The following IFT80 variants were observed in gnomAD, a reference collection of about 807,000 sequenced individuals.
IFT80 encodes intraflagellar transport 80.
IFT80 carries 79 observed loss-of-function variants against 107.9 expected under a neutral mutation model. That is an observed-to-expected ratio of 0.73 (90% CI 0.61 to 0.88). IFT80 has a LOEUF of 0.88. Ranked by LOEUF, IFT80 falls within the 40% of genes least tolerant of loss-of-function variation. The probability of loss-of-function intolerance (pLI) is 0.00; values close to 1 mark genes in which losing one functional copy is unlikely to be tolerated. For synonymous variants in IFT80, 299 were observed against 300.9 expected, an observed-to-expected ratio of 0.99 and a Z score of 0.07; for missense variants, 797 against 914.2, an observed-to-expected ratio of 0.87 and a Z score of 1.65.
intron 8 of IFT80, among the ~76,000 whole-genome samples, chr3:160,347,489 G>C (rs1052617926): frequency 6.6e-6 from 1 of 152,044 alleles, no homozygotes; most frequent in African/African-American, 2.4e-5. Flanking sequence ...AAGCTTTATT[G>C]CATCTGTATA....
intron 8 of IFT80, among the ~76,000 whole-genome samples, chr3:160,345,734 G>A (rs1720245896): frequency 1.3e-5 from 2 of 151,054 alleles, no homozygotes; most frequent in African/African-American, 4.9e-5. Context: ...GGTTATCAGA[G>A]GCTGGGAAGG....
At chr3:160,285,383 A>G (rs1715011730) in intron 13 of IFT80, among the ~76,000 whole-genome samples, 1 of 152,196 alleles carries the variant, frequency 6.6e-6, no homozygotes, top group African/African-American at 2.4e-5. Context: ...GGTCTTTTGT[A>G]CTTTGTATAG....
intron 1 of IFT80, among the ~76,000 whole-genome samples, chr3:160,396,470 A>G (rs1489407867): frequency 6.6e-6 from 1 of 152,182 alleles, no homozygotes; most frequent in African/African-American, 2.4e-5. Flanking sequence ...CAAACAAAAC[A>G]CATATTGTTA....
At chr3:160,320,906 G>T (rs923965844) in intron 8 of IFT80, among the ~76,000 whole-genome samples, 13 of 151,860 alleles carry the variant, frequency 8.6e-5, no homozygotes, top group South Asian at 4.1e-4. Context: ...TACAAAACAA[G>T]ACTTTAAAAT....
intron 10 of IFT80, among the ~76,000 whole-genome samples, chr3:160,307,179 A>G (rs1161363081): frequency 6.6e-6 from 1 of 152,078 alleles, no homozygotes; most frequent in African/African-American, 2.4e-5. Context: ...ACAGGGTCTC[A>G]CTCTGTTGTT....
At chr3:160,305,766 TG>T (rs768327876) in intron 10 of IFT80, among the ~76,000 whole-genome samples, 158 of 152,184 alleles carry the variant, frequency 1.0e-3, no homozygotes, top group Non-Finnish European at 1.6e-3. Flanking sequence ...CTTGCATGTC[TG>T]TTTTTAAAAT....
chr3:160,333,748 C>T (rs971624318), intron 8 of IFT80, among the ~76,000 whole-genome samples: 1 of 151,978 alleles, frequency 6.6e-6, no homozygotes, highest in African/African-American at 2.4e-5. Flanking sequence ...CCTGAAGGAC[C>T]TATGTGAGGC....
chr3:160,269,503 T>C (rs994682448), intron 18 of IFT80, among the ~76,000 whole-genome samples: 1 of 152,236 alleles, frequency 6.6e-6, no homozygotes, highest in African/African-American at 2.4e-5. Flanking sequence ...TCAATATTTA[T>C]GCAAGTTATT....
At chr3:160,286,391 G>T (rs953205333) in intron 12 of IFT80, among the ~76,000 whole-genome samples, 9 of 152,216 alleles carry the variant, frequency 5.9e-5, no homozygotes, top group African/African-American at 2.2e-4. Flanking sequence ...GGGAAATGGA[G>T]ATGGGGAAGT....
At chr3:160,351,096 A>G (rs1422084318) in intron 8 of IFT80, among the ~76,000 whole-genome samples, 1 of 151,990 alleles carries the variant, frequency 6.6e-6, no homozygotes, top group Non-Finnish European at 1.5e-5. Flanking sequence ...ATCACCACTT[A>G]TGACTAAATC....
chr3:160,326,647 A>G (rs1718696052), intron 8 of IFT80, among the ~76,000 whole-genome samples: 1 of 152,190 alleles, frequency 6.6e-6, no homozygotes, highest in Non-Finnish European at 1.5e-5. Flanking sequence ...AAAACTCTCA[A>G]TAAACTAGGT....
intron 12 of IFT80, among the ~76,000 whole-genome samples, chr3:160,298,823 A>G (rs1044260250): frequency 1.3e-5 from 2 of 152,174 alleles, no homozygotes; most frequent in East Asian, 3.8e-4. Flanking sequence ...TGTACTGAAT[A>G]TAATGGACAA....
Position 160,277,473 on chromosome 3 carries a change from A to G in IFT80, c.1932T>C (p.Asp644=). The part of the protein sequence containing the change: ...EIAYAAIGEI[D]KVQYINSIKN... The stretch of plus-strand genomic sequence containing the variant: ...TTATAGAATTGATGTACTGAACCTT[A>G]TCAATCTAAAAAAGAAAAGAAAAAT... The change falls in exon 18 of 20, where the codon GAT becomes GAC. Residue 644 remains aspartate, a synonymous_variant. Transcript: ENST00000326448. The G allele has an allele frequency of 5.0e-6, 8 of 1,604,226 alleles. No homozygotes were observed. The highest frequency in any genetic ancestry group is 6.8e-6 in the Non-Finnish European group (8 of 1,171,686).
intron 5 of IFT80, among the ~76,000 whole-genome samples, chr3:160,370,885 A>C (rs114995678): frequency 6.6e-6 from 1 of 152,296 alleles, no homozygotes; most frequent in Non-Finnish European, 1.5e-5. Context: ...TCAAGCCTTA[A>C]TCGCTGCCTT....
At chr3:160,383,274 A>G (rs1712670103) in intron 2 of IFT80, among the ~76,000 whole-genome samples, 1 of 152,260 alleles carries the variant, frequency 6.6e-6, no homozygotes. Context: ...AAAGGCAGAC[A>G]GTAGACATGG....
chr3:160,268,145 A>G (rs1409949372), intron 19 of IFT80, among the ~76,000 whole-genome samples: 5 of 152,196 alleles, frequency 3.3e-5, no homozygotes, highest in Non-Finnish European at 7.3e-5. Context: ...TATATTATTT[A>G]TCTAAAAATA....
chr3:160,272,021 T>A (rs1443089515), intron 18 of IFT80, among the ~76,000 whole-genome samples: 3 of 151,958 alleles, frequency 2.0e-5, no homozygotes, highest in Admixed American at 2.0e-4. Context: ...CAGAGGACTA[T>A]GTTAAAGTAC....
intron 6 of IFT80, among the ~76,000 whole-genome samples, chr3:160,359,622 T>G (rs2108366209): frequency 6.6e-6 from 1 of 152,278 alleles, no homozygotes; most frequent in Non-Finnish European, 1.5e-5. Context: ...CCTCTGGGAC[T>G]AAGCTTCCAG....
intron 16 of IFT80, among the ~76,000 whole-genome samples, 199 bp from the exon 17 acceptor site, chr3:160,277,869 T>A (rs930479381): frequency 4.6e-5 from 7 of 152,180 alleles, no homozygotes; most frequent in Non-Finnish European, 1.0e-4. Context: ...CAGAAAACTT[T>A]TGAATGAAAT....
Sources: gnomAD v4.1 joint callset for allele counts (sites outside exome capture counted in the v4.1 genomes callset) on GRCh38, gnomAD v4.1.1 for gene constraint, MANE v1.5 for transcripts, NCBI Gene and HGNC (gene_info 2026-07-23, HGNC 2026-07-21) for gene names.